The following AP1S2 variants were observed in gnomAD, a reference collection of about 807,000 sequenced individuals.
The protein encoded by AP1S2 is AP-1 complex subunit sigma-2.
Under a neutral mutation model 14.3 loss-of-function variants are expected in AP1S2, and 1 was observed. The observed-to-expected ratio is 0.07, with a 90% confidence interval of 0.02 to 0.33. The LOEUF (loss-of-function observed/expected upper bound fraction) is 0.33, where lower values mean the gene tolerates loss of function less well. Among genes scored for constraint, AP1S2 ranks in the 10% least tolerant of loss-of-function variants. The pLI is 0.99. For synonymous variants in AP1S2, 30 were observed against 40.5 expected (o/e 0.74, Z 0.99); for missense variants, 30 against 117.7 (o/e 0.25, Z 3.45).
intron 4 of AP1S2, among the ~76,000 whole-genome samples, chrX:15,828,775 A>G (rs1933340381): frequency 9.1e-6 from 1 of 110,135 alleles, no homozygotes; most frequent in South Asian, 3.8e-4. Context: ...GTTTTAAAAA[A>G]AAAAAATGGC....
chrX:15,827,223 TGACAA>T lies in AP1S2; in HGVS notation c.*97_*101del, dbSNP rs781150326. ...AAGCGGCTTAGCAAAACAGTAATACTGACAAGACATCATCTTACACCATGAGCTAA... is the reference window on the plus strand; with the variant it reads ...AAGCGGCTTAGCAAAACAGTAATACTGACATCATCTTACACCATGAGCTAA... On this transcript the variant is annotated 3_prime_UTR_variant, in exon 6 of 6. Transcript: ENST00000672987. 7.2e-5 allele frequency: 60 copies of T among 837,363 alleles called. No individual in the cohort carries two copies. The highest frequency in any genetic ancestry group is 9.4e-5 in the Non-Finnish European group (52 of 556,057). 69.0% of individuals were successfully genotyped at this position (837,363 alleles called of 1,213,427 possible).
chrX:15,829,920 C>CACTT (rs1258276747), intron 4 of AP1S2: 1 of 154,140 alleles, frequency 6.5e-6, no homozygotes, highest in African/African-American at 3.2e-5. Context: ...CTGAACTGTA[C>CACTT]ACTTAAAACT....
At chrX:15,840,900 G>T (rs756993043) in intron 4 of AP1S2, among the ~76,000 whole-genome samples, 7 of 111,923 alleles carry the variant, frequency 6.3e-5, no homozygotes, top group African/African-American at 2.3e-4. Context: ...GCCAATTTCT[G>T]GGCTTTACCC....
chrX:15,853,588 T>G (rs1007356107), intron 1 of AP1S2, among the ~76,000 whole-genome samples: 35 of 112,267 alleles, frequency 3.1e-4, no homozygotes, highest in African/African-American at 1.1e-3. Context: ...CCACACCATC[T>G]TGAATTTGAA....
intron 4 of AP1S2, among the ~76,000 whole-genome samples, chrX:15,836,001 C>CT (rs1485706081): frequency 1.8e-5 from 2 of 110,647 alleles, no homozygotes; most frequent in Admixed American, 1.9e-4. Flanking sequence ...ACTTGATATA[C>CT]TTTGAGTATC....
Position 15,827,745 on chromosome X carries a change from G to A in AP1S2, c.436-373C>T, listed in dbSNP as rs766149436. On this transcript the variant is annotated intron_variant, in intron 5 of 5. Transcript: ENST00000672987. ...AAAATTCAAAACCTCTTCCCTCCGA[G>A]TTCCCACAGTTCTTCGCCTACTGTT... 9.8e-5 allele frequency among the ~76,000 whole-genome samples: 11 copies of A among 111,753 alleles called. 1 individual carries two copies. Among genetic ancestry groups the A allele is most frequent in the Admixed American group, 4.8e-4 (5 of 10,498 alleles).
At position 15,828,765 on chromosome X, in the gene AP1S2, GT is replaced by G. The variant is rs199896672; in HGVS notation, c.427-566del. On this transcript the variant is annotated intron_variant, in intron 4 of 5. Coordinates refer to ENST00000672987, the MANE Select transcript of AP1S2 (RefSeq NM_001272071.2). ...GACATCCTGCAGCATAAATGACCTC[GT>G]TTTAAAAAAAAAAAATGGCAAGGCG... Among the ~76,000 whole-genome samples, 399 of 92,580 alleles carry G rather than the reference GT, an allele frequency of 4.3e-3. 5 individuals are homozygous for G. The highest frequency in any genetic ancestry group is 0.014 in the African/African-American group (367 of 25,504). The allele number at this position is 92,580 out of a possible 115,157, so 80.4% of individuals were successfully genotyped here. A position where few individuals can be genotyped will look rare whatever the true frequency, so the allele number is the denominator to read the frequency against.
At chrX:15,836,026 CA>C (rs1227700087) in intron 4 of AP1S2, among the ~76,000 whole-genome samples, 6 of 109,427 alleles carry the variant, frequency 5.5e-5, no homozygotes, top group South Asian at 3.8e-4. Context: ...CATATCATTA[CA>C]AAAAAAAATC....
chrX:15,839,887 AATTTT>A (rs1464879101), intron 4 of AP1S2, among the ~76,000 whole-genome samples: 6 of 111,894 alleles, frequency 5.4e-5, no homozygotes, highest in African/African-American at 1.9e-4. Flanking sequence ...TTATTAAAAT[AATTTT>A]AAGTTACAAA....
chrX:15,854,525 C>T (rs904606957), intron 1 of AP1S2, among the ~76,000 whole-genome samples, 163 bp downstream of exon 1: 2 of 111,485 alleles, frequency 1.8e-5, no homozygotes, highest in Non-Finnish European at 3.8e-5. Context: ...GCGGAGGGCG[C>T]GGACACGGAG....
Position 15,834,224 on chromosome X carries a change from C to G in AP1S2, c.427-6024G>C, listed in dbSNP as rs188453937. 1.4e-3 allele frequency among the ~76,000 whole-genome samples: 144 copies of G among 103,752 alleles called. 1 individual carries two copies. Among genetic ancestry groups the G allele is most frequent in the African/African-American group, 4.9e-3 (140 of 28,464 alleles). 90.1% of individuals were successfully genotyped at this position (103,752 alleles called of 115,157 possible). ...CTCACACTGTCCTCAAGCTATACAC[C>G]CCTCCCCTTCTCCCCAGTCCCAACG... is the stretch of plus-strand genomic sequence containing the variant. On this transcript the variant is annotated intron_variant, in intron 4 of 5. Coordinates refer to ENST00000672987, the MANE Select transcript of AP1S2 (RefSeq NM_001272071.2).
chrX:15,853,941 C>G (rs1934251079), intron 1 of AP1S2, among the ~76,000 whole-genome samples: 1 of 111,497 alleles, frequency 9.0e-6, no homozygotes, highest in Non-Finnish European at 1.9e-5. Flanking sequence ...ACCTCGTATT[C>G]CTAGATCTTG....
chrX:15,844,899 T>C (rs1304560609), intron 4 of AP1S2: 3 of 550,810 alleles, frequency 5.4e-6, no homozygotes, highest in East Asian at 1.8e-4. Context: ...GAAAACACTA[T>C]CATTTGCTTG....
chrX:15,839,570 T>C (rs1232964111), intron 4 of AP1S2, among the ~76,000 whole-genome samples: 2 of 105,704 alleles, frequency 1.9e-5, no homozygotes, highest in African/African-American at 3.4e-5. Flanking sequence ...AGCCTGGACC[T>C]CCAGGGCTCA....
intron 2 of AP1S2, among the ~76,000 whole-genome samples, chrX:15,848,637 T>C (rs1934071014): frequency 8.9e-6 from 1 of 112,382 alleles, no homozygotes; most frequent in South Asian, 3.6e-4. Flanking sequence ...GAGCTCATTT[T>C]GTTCTCTTAG....
At chrX:15,837,739 T>C (rs2147307862) in intron 4 of AP1S2, among the ~76,000 whole-genome samples, 1 of 108,241 alleles carries the variant, frequency 9.2e-6, no homozygotes, top group Admixed American at 9.9e-5. Flanking sequence ...CCCAAGTAGC[T>C]GGGATTACAG....
intron 4 of AP1S2, among the ~76,000 whole-genome samples, chrX:15,843,132 C>T (rs776546148): frequency 9.0e-6 from 1 of 111,334 alleles, no homozygotes; most frequent in Non-Finnish European, 1.9e-5. Flanking sequence ...CATATACACA[C>T]ACAAATAAAT....
intron 4 of AP1S2, among the ~76,000 whole-genome samples, chrX:15,841,061 A>ATT (rs1449982371): frequency 1.8e-5 from 2 of 112,318 alleles, no homozygotes; most frequent in East Asian, 5.6e-4. Flanking sequence ...ATCTGCTAAT[A>ATT]TTTTAGCAAC....
At chrX:15,839,478 CTCCT>C (rs755046023) in intron 4 of AP1S2, among the ~76,000 whole-genome samples, 7 of 108,031 alleles carry the variant, frequency 6.5e-5, no homozygotes, top group South Asian at 4.1e-4. Context: ...CCCTCCCTCC[CTCCT>C]TCCTTCCTTC....
Sources: gnomAD v4.1 joint callset for allele counts (sites outside exome capture counted in the v4.1 genomes callset) on GRCh38, gnomAD v4.1.1 for gene constraint, MANE v1.5 for transcripts, NCBI Gene and HGNC (gene_info 2026-07-23, HGNC 2026-07-21) for gene names.